TOPAZ1: variants seen among roughly 807,000 people sequenced by gnomAD.
TOPAZ1 encodes testis and ovary specific TOPAZ 1, also known as protein TOPAZ1.
In TOPAZ1, 66 loss-of-function variants were observed where a neutral mutation model predicts 172.2. The ratio of observed to expected loss-of-function variants is 0.38; its 90% CI spans 0.31 to 0.47. The LOEUF (loss-of-function observed/expected upper bound fraction) is 0.47, where lower values mean the gene tolerates loss of function less well. Among genes scored for constraint, TOPAZ1 ranks in the 20% least tolerant of loss-of-function variants. The probability of loss-of-function intolerance (pLI) is 0.99; values close to 1 mark genes in which losing one functional copy is unlikely to be tolerated. For synonymous variants in TOPAZ1, 681 were observed against 683.9 expected, an observed-to-expected ratio of 1.00 and a Z score of 0.07; for missense variants, 1,822 against 1,972.4, an observed-to-expected ratio of 0.92 and a Z score of 1.44.
rs771219566 is a variant in TOPAZ1 at position 44,241,935 on chromosome 3, C to G, written c.-119C>G. 1 of 944,718 alleles carries G rather than the reference C, an allele frequency of 1.1e-6. No individual in the cohort carries two copies. The highest frequency in any genetic ancestry group is 1.5e-6 in the Non-Finnish European group (1 of 650,226). 58.5% of individuals were successfully genotyped at this position (944,718 alleles called of 1,614,324 possible). The stretch of plus-strand genomic sequence containing the variant: ...CGCTTCCGGCCCCGGGCTGTGGTGA[C>G]TGGCGGTGTGGGGTGGGTCAGAGGG... On this transcript the variant is annotated 5_prime_UTR_variant, in exon 1 of 20. Transcript: ENST00000309765.
At chr3:44,306,204 A>C (rs941546625) in intron 14 of TOPAZ1, 122 bp from the exon 15 acceptor site, 19 of 579,846 alleles carry the variant, frequency 3.3e-5, no homozygotes, top group African/African-American at 3.1e-4. Context: ...CTATACAAAA[A>C]CGGGGCACAG....
intron 6 of TOPAZ1, among the ~76,000 whole-genome samples, chr3:44,268,176 G>A (rs1699852119): frequency 6.6e-6 from 1 of 151,988 alleles, no homozygotes; most frequent in African/African-American, 2.4e-5. Flanking sequence ...AAATGCCACA[G>A]ATTAAAGGGC....
chr3:44,314,969 T>C (rs1445794561), intron 16 of TOPAZ1, among the ~76,000 whole-genome samples: 2 of 152,206 alleles, frequency 1.3e-5, no homozygotes, highest in Non-Finnish European at 2.9e-5. Flanking sequence ...CCCCCTCAAG[T>C]CGCTCCCCCA....
chr3:44,303,479 C>CTTTTTTTT (rs34565826), intron 12 of TOPAZ1, among the ~76,000 whole-genome samples: 17 of 109,928 alleles, frequency 1.5e-4, no homozygotes, highest in East Asian at 2.8e-4. Context: ...TGCTTGCTTG[C>CTTTTTTTT]TTTTTTTTTT....
intron 16 of TOPAZ1, among the ~76,000 whole-genome samples, chr3:44,311,826 C>G (rs1487866888): frequency 6.6e-6 from 1 of 152,048 alleles, no homozygotes; most frequent in African/African-American, 2.4e-5. Context: ...GAGAAATATA[C>G]ATTACAATTA....
intron 2 of TOPAZ1, among the ~76,000 whole-genome samples, chr3:44,248,326 A>C (rs1018664150): frequency 3.3e-5 from 5 of 152,264 alleles, no homozygotes; most frequent in Admixed American, 3.3e-4. Context: ...TTTATTTCAG[A>C]TAGCTTTTTT....
intron 16 of TOPAZ1, among the ~76,000 whole-genome samples, chr3:44,311,818 G>A (rs561634346): frequency 1.3e-5 from 2 of 152,128 alleles, no homozygotes; most frequent in South Asian, 4.1e-4. Context: ...TGTAATAAGA[G>A]AAATATACAT....
chr3:44,315,193 G>C (rs1428962137), intron 16 of TOPAZ1, among the ~76,000 whole-genome samples: 1 of 141,430 alleles, frequency 7.1e-6, no homozygotes, highest in East Asian at 1.9e-4. Context: ...TGCAGGTTTT[G>C]AAAGAACGTG....
intron 8 of TOPAZ1, among the ~76,000 whole-genome samples, chr3:44,276,848 T>G (rs1699966445): frequency 6.6e-6 from 1 of 151,954 alleles, no homozygotes; most frequent in Non-Finnish European, 1.5e-5. Flanking sequence ...TGGAGTACAG[T>G]GGCGAGATCT....
intron 2 of TOPAZ1, among the ~76,000 whole-genome samples, chr3:44,251,695 T>G (rs1363182236): frequency 6.6e-6 from 1 of 152,220 alleles, no homozygotes; most frequent in African/African-American, 2.4e-5. Flanking sequence ...ACATGAAAAG[T>G]GCTCTGGTAG....
intron 2 of TOPAZ1, 46 bp from the exon 3 acceptor site, chr3:44,254,922 G>A: frequency 7.2e-7 from 1 of 1,397,144 alleles, no homozygotes. Context: ...GGATAGTTCT[G>A]CTTAGAATCT....
At chr3:44,331,524 A>C (rs1161777663) in intron 19 of TOPAZ1, among the ~76,000 whole-genome samples, 1 of 152,124 alleles carries the variant, frequency 6.6e-6, no homozygotes, top group Non-Finnish European at 1.5e-5. Context: ...TGAAGGTCTC[A>C]CTGTGTTGCT....
Position 44,245,261 on chromosome 3 carries a change from G to A in TOPAZ1, c.2755G>A (p.Asp919Asn), listed in dbSNP as rs1699550568. Reference sequence around the variant, plus strand: ...AACTCCAGTAAAAAAAGAACCAAGTGATGACTTAAGGTATGCATGTTCAAG... The same window carrying A: ...AACTCCAGTAAAAAAAGAACCAAGTAATGACTTAAGGTATGCATGTTCAAG... ...METPVKKEPSDDLRELPVLDC... is the reference protein window; with the variant it reads ...METPVKKEPSNDLRELPVLDC... Residue 919 changes from aspartate (D) to asparagine (N), a missense_variant, in exon 2 of 20, where the codon GAT becomes AAT. Coordinates refer to ENST00000309765, the MANE Select transcript of TOPAZ1 (RefSeq NM_001145030.2). 1 of 1,538,816 alleles carries A rather than the reference G, an allele frequency of 6.5e-7. No homozygotes were observed. The highest frequency in any genetic ancestry group is 8.8e-7 in the Non-Finnish European group (1 of 1,142,808).
chr3:44,269,351 T>C (rs1374558807), intron 7 of TOPAZ1, 50 bp downstream of exon 7: 25 of 1,028,690 alleles, frequency 2.4e-5, no homozygotes, highest in Non-Finnish European at 3.4e-5. Flanking sequence ...CTCCTCCCCC[T>C]CCTCCTCCTT....
chr3:44,335,289 C>T (rs962009424), downstream of TOPAZ1, among the ~76,000 whole-genome samples: 4 of 152,054 alleles, frequency 2.6e-5, no homozygotes, highest in East Asian at 7.7e-4. Flanking sequence ...TGCTAAGGCT[C>T]TTAAGCCATC....
chr3:44,296,436 A>T (rs1381422497), intron 12 of TOPAZ1, among the ~76,000 whole-genome samples: 1 of 151,908 alleles, frequency 6.6e-6, no homozygotes. Flanking sequence ...AAAAAAGCAG[A>T]CATGAAGACA....
At chr3:44,319,141 G>A (rs1013465075) in intron 16 of TOPAZ1, among the ~76,000 whole-genome samples, 1 of 152,216 alleles carries the variant, frequency 6.6e-6, no homozygotes, top group East Asian at 1.9e-4. Context: ...CCAAGGCAAG[G>A]CGGGGAAGAA....
At chr3:44,290,944 A>G in intron 12 of TOPAZ1, 58 bp downstream of exon 12, 1 of 1,126,844 alleles carries the variant, frequency 8.9e-7, no homozygotes, top group Non-Finnish European at 1.3e-6. Flanking sequence ...GGGACTTATA[A>G]AAGCTGAAGG....
Position 44,241,905 on chromosome 3 carries a change from A to ACTTCCG in TOPAZ1, c.-142_-137dup. The ACTTCCG allele has an allele frequency of 1.3e-6, 1 of 762,186 alleles. No homozygotes were observed. Among genetic ancestry groups the ACTTCCG allele is most frequent in the East Asian group, 3.0e-5 (1 of 33,224 alleles). 47.2% of individuals were successfully genotyped at this position (762,186 alleles called of 1,614,324 possible). On this transcript the variant is annotated 5_prime_UTR_variant, in exon 1 of 20. Transcript: ENST00000309765. ...GGCCCCACTTCCGCTTACGCGCCCC[A>ACTTCCG]CTTCCGCTTCCGGCCCCGGGCTGTG...
Sources: allele counts gnomAD v4.1 joint callset (sites outside exome capture counted in the v4.1 genomes callset), GRCh38; gene constraint gnomAD v4.1.1; transcripts MANE v1.5; gene names NCBI Gene and HGNC (gene_info 2026-07-23, HGNC 2026-07-21).